The following ZNRF2 variants were observed in gnomAD, a reference collection of about 807,000 sequenced individuals.
The protein encoded by ZNRF2 is zinc and ring finger 2, also known as E3 ubiquitin-protein ligase ZNRF2.
A neutral mutation model predicts 20.4 loss-of-function variants in ZNRF2; 16 were observed. The observed-to-expected ratio is 0.79, with a 90% CI of 0.53 to 1.19. ZNRF2 has a LOEUF of 1.19. Ranked by LOEUF, ZNRF2 falls within the 50% of genes most tolerant of loss-of-function variation. The probability of loss-of-function intolerance (pLI) is 0.00; values close to 1 mark genes in which losing one functional copy is unlikely to be tolerated. For synonymous variants in ZNRF2, 178 were observed against 144.9 expected, an observed-to-expected ratio of 1.23 and a Z score of -1.64; for missense variants, 363 against 332.4, an observed-to-expected ratio of 1.09 and a Z score of -0.72.
intron 1 of ZNRF2, among the ~76,000 whole-genome samples, chr7:30,314,714 C>T (rs1799341295): frequency 6.6e-6 from 1 of 151,796 alleles, no homozygotes; most frequent in South Asian, 2.1e-4. Flanking sequence ...AATTTTTTCA[C>T]TTGTTATGGG....
At chr7:30,308,690 T>G (rs1430862921) in intron 1 of ZNRF2, among the ~76,000 whole-genome samples, 2 of 152,236 alleles carry the variant, frequency 1.3e-5, no homozygotes, top group Non-Finnish European at 2.9e-5. Context: ...ATGTTGCTTT[T>G]TAGTTACACT....
At chr7:30,304,432 A>G (rs1799168623) in intron 1 of ZNRF2, among the ~76,000 whole-genome samples, 1 of 152,252 alleles carries the variant, frequency 6.6e-6, no homozygotes, top group Non-Finnish European at 1.5e-5. Context: ...AAAATAAAGT[A>G]GTAACATACT....
chr7:30,314,324 TACATA>T (rs143522767), intron 1 of ZNRF2, among the ~76,000 whole-genome samples: 206 of 152,308 alleles, frequency 1.4e-3, no homozygotes, highest in African/African-American at 4.6e-3. Context: ...AACATTACAT[TACATA>T]ACATAACATT....
chr7:30,305,057 C>T (rs1799178445), intron 1 of ZNRF2, among the ~76,000 whole-genome samples: 1 of 152,140 alleles, frequency 6.6e-6, no homozygotes, highest in Non-Finnish European at 1.5e-5. Context: ...AGGTTATTGA[C>T]ACCTGTTGTA....
At chr7:30,315,246 ATTTG>A (rs766427679) in intron 1 of ZNRF2, among the ~76,000 whole-genome samples, 3 of 151,932 alleles carry the variant, frequency 2.0e-5, no homozygotes, top group Non-Finnish European at 4.4e-5. Flanking sequence ...GTATTTTGGT[ATTTG>A]TTTGTTTTTT....
chr7:30,340,429 A>T (rs1012164132), intron 2 of ZNRF2, among the ~76,000 whole-genome samples: 7 of 152,146 alleles, frequency 4.6e-5, no homozygotes, highest in African/African-American at 1.7e-4. Flanking sequence ...ATCAATACCT[A>T]GTTTATTGAG....
At chr7:30,344,909 T>C (rs1201670471) in intron 2 of ZNRF2, among the ~76,000 whole-genome samples, 1 of 152,246 alleles carries the variant, frequency 6.6e-6, no homozygotes, top group Non-Finnish European at 1.5e-5. Context: ...AGCATTCTTC[T>C]GGTCTTACAA....
chr7:30,363,368 T>C (rs1438732671), intron 4 of ZNRF2, among the ~76,000 whole-genome samples: 1 of 152,236 alleles, frequency 6.6e-6, no homozygotes, highest in Non-Finnish European at 1.5e-5. Context: ...ACCATTACTG[T>C]TCCTATTACG....
At chr7:30,297,415 A>G (rs1213108150) in intron 1 of ZNRF2, among the ~76,000 whole-genome samples, 1 of 152,194 alleles carries the variant, frequency 6.6e-6, no homozygotes, top group Non-Finnish European at 1.5e-5. Context: ...ACAATTTCAT[A>G]GTTCCTACTG....
chr7:30,309,839 T>C (rs1799265028), intron 1 of ZNRF2, among the ~76,000 whole-genome samples: 2 of 152,214 alleles, frequency 1.3e-5, no homozygotes, highest in African/African-American at 2.4e-5. Context: ...TGTAATTTAT[T>C]AAAAATTTGT....
At chr7:30,303,703 C>T (rs1799154939) in intron 1 of ZNRF2, among the ~76,000 whole-genome samples, 1 of 152,284 alleles carries the variant, frequency 6.6e-6, no homozygotes, top group East Asian at 1.9e-4. Context: ...CCCACTGTAG[C>T]ATTATAGTTG....
At chr7:30,350,231 G>A (rs141608013) in intron 2 of ZNRF2, among the ~76,000 whole-genome samples, 74 of 151,966 alleles carry the variant, frequency 4.9e-4, no homozygotes, top group African/African-American at 1.8e-3. Flanking sequence ...CATTTTCTTG[G>A]CGAATTCACC....
Position 30,297,259 on chromosome 7 carries a change from C to G in ZNRF2, c.469+11433C>G, listed in dbSNP as rs192625803. 9.8e-5 allele frequency among the ~76,000 whole-genome samples: 15 copies of G among 152,296 alleles called. No homozygotes were observed. The East Asian group carries it at 2.9e-3, about 29-fold the overall frequency. On this transcript the variant is annotated intron_variant, in intron 1 of 4. Coordinates refer to ENST00000323037, the MANE Select transcript of ZNRF2 (RefSeq NM_147128.4). Reference sequence around the variant, plus strand: ...CTCTTTTGAGACCCTCTGACCTACCCTGTTCCGAATTGATTATCCTATGAG... The same window carrying G: ...CTCTTTTGAGACCCTCTGACCTACCGTGTTCCGAATTGATTATCCTATGAG...
intron 2 of ZNRF2, among the ~76,000 whole-genome samples, chr7:30,351,352 T>C (rs1391270474): frequency 6.6e-6 from 1 of 152,028 alleles, no homozygotes; most frequent in Non-Finnish European, 1.5e-5. Context: ...ATGTGGCTAG[T>C]GGTTACCATT....
chr7:30,300,687 G>A (rs371730474), intron 1 of ZNRF2, among the ~76,000 whole-genome samples: 8 of 152,162 alleles, frequency 5.3e-5, no homozygotes, highest in Non-Finnish European at 7.4e-5. Flanking sequence ...AAAGGAGAAC[G>A]TTCAGAGAGC....
At chr7:30,287,508 G>A (rs1267265363) in intron 1 of ZNRF2, among the ~76,000 whole-genome samples, 2 of 152,334 alleles carry the variant, frequency 1.3e-5, no homozygotes, top group African/African-American at 4.8e-5. Context: ...TTATAGTTCT[G>A]TGGGTTTATT....
At chr7:30,362,246 G>A in intron 3 of ZNRF2, 131 bp from the exon 4 acceptor site, 1 of 530,252 alleles carries the variant, frequency 1.9e-6, no homozygotes, top group Non-Finnish European at 3.2e-6. Context: ...GCTTATGTAT[G>A]CCAAATATAA....
intron 4 of ZNRF2, among the ~76,000 whole-genome samples, chr7:30,365,172 T>TTTTTG (rs1376254076): frequency 8.7e-6 from 1 of 114,952 alleles, no homozygotes; most frequent in Non-Finnish European, 1.7e-5. Context: ...TTTTTTTTTT[T>TTTTTG]GGTGAGGTGG....
chr7:30,340,910 A>T (rs1281702149), intron 2 of ZNRF2, among the ~76,000 whole-genome samples: 2 of 152,092 alleles, frequency 1.3e-5, no homozygotes, highest in Non-Finnish European at 2.9e-5. Context: ...TTACTGCCTC[A>T]ATTTCAGAAC....
Sources: gnomAD v4.1 joint callset for allele counts (sites outside exome capture counted in the v4.1 genomes callset) on GRCh38, gnomAD v4.1.1 for gene constraint, MANE v1.5 for transcripts, NCBI Gene and HGNC (gene_info 2026-07-23, HGNC 2026-07-21) for gene names.